Variants in GTF2H5 observed in about 807,000 individuals in gnomAD.
The protein encoded by GTF2H5 is TFB5 ortholog.
GTF2H5 carries 5 observed loss-of-function variants against 7.1 expected under a neutral mutation model. That is an observed-to-expected ratio of 0.71 (90% CI 0.37 to 1.49). The LOEUF is 1.49. Ranked by LOEUF, GTF2H5 falls within the 40% of genes most tolerant of loss-of-function variation. The pLI, the probability that GTF2H5 is intolerant of heterozygous loss-of-function variation, is 0.03. For synonymous variants in GTF2H5, 30 were observed against 31.7 expected (o/e 0.95, Z 0.18); for missense variants, 80 against 83.0 (o/e 0.96, Z 0.14).
chr6:158,189,030 A>T (rs1485073892), intron 2 of GTF2H5, among the ~76,000 whole-genome samples: 2 of 141,148 alleles, frequency 1.4e-5, no homozygotes, highest in Non-Finnish European at 3.0e-5. Flanking sequence ...CTGTAGCCTC[A>T]GCCTCTTCTC....
At chr6:158,171,924 T>C (rs1259069553) in intron 2 of GTF2H5, among the ~76,000 whole-genome samples, 1 of 152,220 alleles carries the variant, frequency 6.6e-6, no homozygotes, top group East Asian at 1.9e-4. Context: ...TGTTGTCTTT[T>C]GAAGGCACTA....
intron 2 of GTF2H5, among the ~76,000 whole-genome samples, chr6:158,185,603 G>T (rs1187786708): frequency 6.6e-6 from 1 of 151,880 alleles, no homozygotes; most frequent in Non-Finnish European, 1.5e-5. Context: ...GTGTTCACTG[G>T]CCAGTCATTC....
chr6:158,185,743 C>G (rs1776909893), intron 2 of GTF2H5, among the ~76,000 whole-genome samples: 1 of 152,032 alleles, frequency 6.6e-6, no homozygotes, highest in African/African-American at 2.4e-5. Context: ...CTCAATGGCT[C>G]ACAACTGTAA....
Position 158,198,396 on chromosome 6 carries a change from T to C in GTF2H5, c.*6239T>C, listed in dbSNP as rs1045844066. On this transcript the variant is annotated 3_prime_UTR_variant, in exon 3 of 3. Transcript: ENST00000607778. ...TTGAAAGACTAGGCTATTTTTTCAC[T>C]GTCCTCAGACATTTACTGAGTCCAG... 6.6e-6 allele frequency: 1 copy of C among 151,848 alleles called. No homozygotes were observed. Among genetic ancestry groups the C allele is most frequent in the Non-Finnish European group, 1.5e-5 (1 of 68,038 alleles). The allele number at this position is 151,848 out of a possible 1,614,324, so 9.4% of individuals were successfully genotyped here.
intron 1 of GTF2H5, among the ~76,000 whole-genome samples, chr6:158,169,340 A>C (rs898401090): frequency 8.9e-6 from 1 of 112,936 alleles, no homozygotes; most frequent in African/African-American, 3.5e-5. Context: ...TATATATAAT[A>C]CGTATATTAT....
At position 158,190,601 on chromosome 6, in the gene GTF2H5, T is replaced by G. The variant is rs112481388; in HGVS notation, c.36-1376T>G. 7.1e-4 allele frequency: 324 copies of G among 455,486 alleles called. 2 individuals carry two copies. The highest frequency in any genetic ancestry group is 6.0e-3 in the African/African-American group (299 of 49,916). 28.2% of individuals were successfully genotyped at this position (455,486 alleles called of 1,614,324 possible). On this transcript the variant is annotated intron_variant, in intron 2 of 2. Coordinates refer to ENST00000607778, the MANE Select transcript of GTF2H5 (RefSeq NM_207118.3). ...AACCCAAAGTCCCCCAAATCAGTTCTGAGGCTCATACTCATCTAGGGATAG... is the reference window on the plus strand; with the variant it reads ...AACCCAAAGTCCCCCAAATCAGTTCGGAGGCTCATACTCATCTAGGGATAG...
rs1777086315 is a variant in GTF2H5, at chr6:158,194,975, G to A, written c.*2818G>A. The A allele has an allele frequency of 1.3e-5, 2 of 152,148 alleles. No homozygotes were observed. The highest frequency in any genetic ancestry group is 6.5e-5 in the Admixed American group (1 of 15,278). The allele number at this position is 152,148 out of a possible 1,614,324, so 9.4% of individuals were successfully genotyped here. ...AAAGATAGAGTGATGTGAATGATAG[G>A]AAGCCCACCTGTAACCACTTAGCTG... On this transcript the variant is annotated 3_prime_UTR_variant, in exon 3 of 3. Coordinates refer to ENST00000607778, the MANE Select transcript of GTF2H5 (RefSeq NM_207118.3).
chr6:158,189,203 G>A (rs1427935669), intron 2 of GTF2H5, among the ~76,000 whole-genome samples: 2 of 151,860 alleles, frequency 1.3e-5, no homozygotes, highest in African/African-American at 4.8e-5. Flanking sequence ...AACAGGATCA[G>A]TACCTTGCTT....
At position 158,198,447 on chromosome 6, in the gene GTF2H5, T is replaced by C. The variant is rs111366141; in HGVS notation, c.*6290T>C. 6.6e-6 allele frequency: 1 copy of C among 152,236 alleles called. No homozygotes were observed. Among genetic ancestry groups the C allele is most frequent in the Non-Finnish European group, 1.5e-5 (1 of 68,046 alleles). The allele number at this position is 152,236 out of a possible 1,614,324, so 9.4% of individuals were successfully genotyped here. A position where few individuals can be genotyped will look rare whatever the true frequency, so the allele number is the denominator to read the frequency against. On this transcript the variant is annotated 3_prime_UTR_variant, in exon 3 of 3. Transcript: ENST00000607778. ...TTTGGACTTTATTTTATTTTATTTT[T>C]TTTGAAACAAGATCTCGCTCTGTTG...
At chr6:158,176,307 G>A (rs1262325514) in intron 2 of GTF2H5, among the ~76,000 whole-genome samples, 3 of 151,998 alleles carry the variant, frequency 2.0e-5, no homozygotes, top group Non-Finnish European at 4.4e-5. Context: ...GCTCACTGCA[G>A]CCTCTGCCAC....
chr6:158,169,296 T>A (rs1266732773), intron 1 of GTF2H5, among the ~76,000 whole-genome samples: 1 of 126,618 alleles, frequency 7.9e-6, no homozygotes, highest in Non-Finnish European at 1.6e-5. Context: ...ATATTTATTT[T>A]ATATATAATA....
At chr6:158,169,303 AAT>A (rs1323414666) in intron 1 of GTF2H5, among the ~76,000 whole-genome samples, 1 of 118,034 alleles carries the variant, frequency 8.5e-6, no homozygotes, top group African/African-American at 3.1e-5. Context: ...TTTTATATAT[AAT>A]ATATAATATG....
Position 158,169,666 on chromosome 6 carries a change from T to A in GTF2H5, c.-34-804T>A, listed in dbSNP as rs11758929. ...ATATTGTATATTACATATAATATAT[T>A]GTATATTATATAATATATAATATAT... On this transcript the variant is annotated intron_variant, in intron 1 of 2. Transcript: ENST00000607778. Among the ~76,000 whole-genome samples the A allele has an allele frequency of 3.8e-4, 32 of 84,356 alleles. 1 individual carries two copies. The highest frequency in any genetic ancestry group is 2.3e-3 in the South Asian group (7 of 3,058). The allele number at this position is 84,356 out of a possible 152,430, so 55.3% of individuals were successfully genotyped here. A position where few individuals can be genotyped will look rare whatever the true frequency, so the allele number is the denominator to read the frequency against.
rs901119554 is a variant in GTF2H5 at position 158,196,838 on chromosome 6, C to T, written c.*4681C>T. Reference sequence around the variant, plus strand: ...CCTACAGCAGCAGACCATGCCACTTCGTGAGGAAAAAATTATCTCATTCAT... The same window carrying T: ...CCTACAGCAGCAGACCATGCCACTTTGTGAGGAAAAAATTATCTCATTCAT... On this transcript the variant is annotated 3_prime_UTR_variant, in exon 3 of 3. Coordinates refer to ENST00000607778, the MANE Select transcript of GTF2H5 (RefSeq NM_207118.3). 2.0e-5 allele frequency: 3 copies of T among 152,160 alleles called. No homozygotes were observed. The highest frequency in any genetic ancestry group is 4.4e-5 in the Non-Finnish European group (3 of 68,026). The allele number at this position is 152,160 out of a possible 1,614,324, so 9.4% of individuals were successfully genotyped here.
chr6:158,172,561 G>A (rs1785872625), intron 2 of GTF2H5, among the ~76,000 whole-genome samples: 1 of 152,052 alleles, frequency 6.6e-6, no homozygotes, highest in Non-Finnish European at 1.5e-5. Flanking sequence ...GCCTCCCAAA[G>A]TGCTGGGATT....
chr6:158,176,249 A>T (rs1198465091), intron 2 of GTF2H5, among the ~76,000 whole-genome samples: 1 of 151,988 alleles, frequency 6.6e-6, no homozygotes, highest in East Asian at 1.9e-4. Context: ...TTTTTTTTGA[A>T]ACGGAGTCTC....
intron 2 of GTF2H5, among the ~76,000 whole-genome samples, chr6:158,174,343 A>C (rs536789511): frequency 4.5e-4 from 68 of 152,210 alleles, no homozygotes; most frequent in Non-Finnish European, 8.8e-4. Flanking sequence ...AGTTAAGTTT[A>C]ACTGATTTTG....
chr6:158,172,030 C>T (rs1785864028), intron 2 of GTF2H5, among the ~76,000 whole-genome samples: 1 of 144,656 alleles, frequency 6.9e-6, no homozygotes, highest in African/African-American at 2.7e-5. Context: ...GATACACATA[C>T]ACAGAGTGTC....
intron 2 of GTF2H5, among the ~76,000 whole-genome samples, chr6:158,191,316 G>A (rs1439175207): frequency 1.3e-5 from 2 of 152,102 alleles, no homozygotes; most frequent in Admixed American, 6.6e-5. Flanking sequence ...TAGATGTAAT[G>A]GGCATAGACA....
Sources: allele counts gnomAD v4.1 joint callset (sites outside exome capture counted in the v4.1 genomes callset), GRCh38; gene constraint gnomAD v4.1.1; transcripts MANE v1.5; gene names NCBI Gene and HGNC (gene_info 2026-07-23, HGNC 2026-07-21).